Variants in ASB2 observed in about 807,000 individuals in gnomAD.
ASB2 encodes the protein ankyrin repeat and SOCS box protein 2.
ASB2 carries 58 observed loss-of-function variants against 62.4 expected under a neutral mutation model. The observed-to-expected ratio is 0.93, with a 90% CI of 0.75 to 1.16. The LOEUF is 1.16. Among genes scored for constraint, ASB2 ranks in the 50% most tolerant of loss-of-function variants. The pLI is 0.00. For missense variants in ASB2, 928 were observed against 887.9 expected (o/e 1.05, Z -0.57); for synonymous variants, 386 against 385.3 (o/e 1.00, Z -0.02).
chr14:93,956,045 AT>A (rs1889185522), intron 3 of ASB2, among the ~76,000 whole-genome samples: 5 of 152,228 alleles, frequency 3.3e-5, no homozygotes, highest in Admixed American at 2.6e-4. Flanking sequence ...ATATTGGCCA[AT>A]TGCCTCCTCC....
chr14:93,956,623 C>G, intron 3 of ASB2, 143 bp downstream of exon 3: 1 of 1,130,066 alleles, frequency 8.8e-7, no homozygotes. Context: ...CAGGGGGGCA[C>G]CCCTAGAAGG....
At chr14:93,973,974 A>AG (rs1242558990) in intron 1 of ASB2, 1 of 152,330 alleles carries the variant, frequency 6.6e-6, no homozygotes, top group Non-Finnish European at 1.5e-5. Context: ...CAGAAGACAC[A>AG]GGGGGTTCTG....
chr14:93,939,522 G>C lies in ASB2; in HGVS notation c.1203C>G (p.Pro401=). ...GGTCTTCGTAGAGGCGCGCGCGCTC[G>C]GGGGCCAGCGGCGTGTTCACGTCGA... ...ARFDVNTPLA[P]ERARLYEDRR... Residue 401 remains proline (P), a synonymous_variant, in exon 8 of 10, where the codon CCC becomes CCG. Transcript: ENST00000555019. The C allele has an allele frequency of 6.2e-7, 1 of 1,605,420 alleles. No homozygotes were observed. The highest frequency in any genetic ancestry group is 8.5e-7 in the Non-Finnish European group (1 of 1,176,356).
intron 8 of ASB2, 28 bp from the exon 9 acceptor site, chr14:93,937,879 A>T: frequency 6.4e-7 from 1 of 1,574,020 alleles, no homozygotes; most frequent in Admixed American, 1.7e-5. Context: ...GGGACCAAGA[A>T]GTGAGTTCAT....
intron 8 of ASB2, among the ~76,000 whole-genome samples, chr14:93,938,217 TC>T (rs1390439655): frequency 6.7e-6 from 1 of 149,934 alleles, no homozygotes; most frequent in Non-Finnish European, 1.5e-5. Context: ...GTGTCTAACT[TC>T]CTTTTAAGTT....
intron 2 of ASB2, 33 bp downstream of exon 2, chr14:93,964,301 C>A: frequency 6.5e-7 from 1 of 1,527,270 alleles, no homozygotes; most frequent in Non-Finnish European, 8.8e-7. Context: ...TCCTGGATGG[C>A]CCCACTTCCC....
At chr14:93,962,965 G>A (rs1473415871) in intron 2 of ASB2, among the ~76,000 whole-genome samples, 9 of 152,192 alleles carry the variant, frequency 5.9e-5, no homozygotes, top group Admixed American at 1.3e-4. Flanking sequence ...AGAATGGAAC[G>A]TCCTCGGGGG....
At chr14:93,945,163 A>T (rs1312815915) in intron 7 of ASB2, among the ~76,000 whole-genome samples, 1 of 152,240 alleles carries the variant, frequency 6.6e-6, no homozygotes, top group Non-Finnish European at 1.5e-5. Context: ...AATAGCCCAG[A>T]GGGACATGGA....
Position 93,954,390 on chromosome 14 carries a change from G to T in ASB2, c.405C>A (p.Asn135Lys), listed in dbSNP as rs367755389. 8 of 1,614,016 alleles carry T rather than the reference G, an allele frequency of 5.0e-6. No individual in the cohort carries two copies. Among genetic ancestry groups the T allele is most frequent in the Admixed American group, 1.7e-5 (1 of 60,020 alleles). The change falls in exon 4 of 10, where the codon AAC (asparagine) becomes AAA (lysine). Residue 135 changes from asparagine to lysine, a missense_variant. Asn to Lys is a moderately conservative substitution (Grantham distance 94). Coordinates refer to ENST00000555019, the MANE Select transcript of ASB2 (RefSeq NM_001202429.2). ...CGTGCAGCGGCAGCCAGCCCTCCTT[G>T]TTGGGCTCTGCGAGATTCTTCCCTT... ...IKEGKNLAEP[N>K]KEGWLPLHEA...
rs1889589319 is a variant in ASB2, at chr14:93,966,299, C to T, written c.-73-1687G>A. ...TGGATGAGTCATGACTGCTTCAAGC[C>T]AGGTGGGACAATCTCACCGCCTCAG... On this transcript the variant is annotated intron_variant, in intron 1 of 9. Coordinates refer to ENST00000555019, the MANE Select transcript of ASB2 (RefSeq NM_001202429.2). 2.6e-5 allele frequency among the ~76,000 whole-genome samples: 4 copies of T among 152,236 alleles called. 1 individual carries two copies. In the East Asian group the frequency reaches 5.8e-4, roughly 22 times the overall value.
rs567055921 is a variant in ASB2, at chr14:93,951,334, T to C, written c.635-90A>G. On this transcript the variant is annotated intron_variant, in intron 5 of 9. Transcript: ENST00000555019. ...ATTCATTCGCCTGTCCATTCACTCA[T>C]CCACTCATTCAGCTTTCCACTGCAT... The C allele has an allele frequency of 1.2e-5, 17 of 1,432,134 alleles. No homozygotes were observed. In the East Asian group the frequency reaches 3.9e-4, roughly 33 times the overall value. The allele number at this position is 1,432,134 out of a possible 1,614,324, so 88.7% of individuals were successfully genotyped here.
At chr14:93,944,050 A>C (rs557645557) in intron 7 of ASB2, 1 of 455,814 alleles carries the variant, frequency 2.2e-6, no homozygotes. Context: ...TAAGATCCTG[A>C]TTCTCTACCC....
chr14:93,939,548 AGC>A lies in ASB2; in HGVS notation c.1175_1176del (p.Arg392LeufsTer150). On this transcript the variant is annotated frameshift_variant, in exon 8 of 10. Coordinates refer to ENST00000555019, the MANE Select transcript of ASB2 (RefSeq NM_001202429.2). LOFTEE classifies it high-confidence loss of function. ...DEVLEALLSARFDVNTPLAPE... is the reference protein window; with the variant it reads ...DEVLEALLSAXFDVNTPLAPE... ...GGGGCCAGCGGCGTGTTCACGTCGA[AGC>A]GCGCGCTCAGCAGCGCCTCCAGCAC... 1.9e-6 allele frequency: 3 copies of A among 1,600,026 alleles called. No individual in the cohort carries two copies. Among genetic ancestry groups the A allele is most frequent in the Non-Finnish European group, 2.6e-6 (3 of 1,174,884 alleles).
intron 2 of ASB2, among the ~76,000 whole-genome samples, chr14:93,961,641 T>C (rs547838335): frequency 3.3e-4 from 50 of 152,332 alleles, no homozygotes; most frequent in African/African-American, 1.1e-3. Context: ...AGCTGCTATG[T>C]GGATTGCCTG....
intron 1 of ASB2, among the ~76,000 whole-genome samples, chr14:93,965,641 G>A (rs763221438): frequency 2.0e-5 from 3 of 152,204 alleles, no homozygotes; most frequent in Non-Finnish European, 4.4e-5. Context: ...GGTCCTGGCT[G>A]AACATTGAAT....
chr14:93,957,196 T>C, intron 2 of ASB2: 1 of 1,315,308 alleles, frequency 7.6e-7, no homozygotes. Flanking sequence ...GTGACATTCT[T>C]CACCCAGGAG....
Position 93,965,205 on chromosome 14 carries a change from T to A in ASB2, c.-73-593A>T, listed in dbSNP as rs180797534. ...TTATTTTTCCATTCCAGATAACCTA[T>A]CTATCCATGTATTTATGCTCACTTG... On this transcript the variant is annotated intron_variant, in intron 1 of 9. Coordinates refer to ENST00000555019, the MANE Select transcript of ASB2 (RefSeq NM_001202429.2). Among the ~76,000 whole-genome samples, 124 of 152,306 alleles carry A rather than the reference T, an allele frequency of 8.1e-4. 1 individual carries two copies. The highest frequency in any genetic ancestry group is 2.4e-3 in the Admixed American group (36 of 15,300).
Position 93,954,377 on chromosome 14 carries a change from G to T in ASB2, c.418C>A (p.Leu140Met). 1.2e-6 allele frequency: 2 copies of T among 1,613,658 alleles called. No individual in the cohort carries two copies. Among genetic ancestry groups the T allele is most frequent in the South Asian group, 2.2e-5 (2 of 91,072 alleles). ...NLAEPNKEGW[L>M]PLHEAAYYGQ... is the part of the protein sequence containing the mutation. ...TAGTATGCGGCCTCGTGCAGCGGCA[G>T]CCAGCCCTCCTTGTTGGGCTCTGCG... The change falls in exon 4 of 10, where the codon CTG (leucine) becomes ATG (methionine). Residue 140 changes from leucine to methionine, a missense_variant. Leu to Met is a conservative substitution (Grantham distance 15). Coordinates refer to ENST00000555019, the MANE Select transcript of ASB2 (RefSeq NM_001202429.2).
intron 7 of ASB2, among the ~76,000 whole-genome samples, chr14:93,944,631 A>G (rs1595306655): frequency 6.6e-6 from 1 of 152,364 alleles, no homozygotes; most frequent in African/African-American, 2.4e-5. Flanking sequence ...TGGTGGCAGA[A>G]GCTGCTGGGA....
Sources: gnomAD v4.1 joint callset for allele counts (sites outside exome capture counted in the v4.1 genomes callset) on GRCh38, gnomAD v4.1.1 for gene constraint, MANE v1.5 for transcripts, NCBI Gene and HGNC (gene_info 2026-07-23, HGNC 2026-07-21) for gene names.